The following CATSPER2 variants were observed in gnomAD, a reference collection of about 807,000 sequenced individuals.
CATSPER2 encodes the protein cation channel sperm associated 2.
In CATSPER2, 56 loss-of-function variants were observed where a neutral mutation model predicts 68.8. The observed-to-expected ratio is 0.81, with a 90% confidence interval of 0.66 to 1.02. CATSPER2 has a LOEUF of 1.02. Ranked by LOEUF, CATSPER2 falls within the 50% of genes least tolerant of loss-of-function variation. The probability of loss-of-function intolerance (pLI) is 0.00; values close to 1 mark genes in which losing one functional copy is unlikely to be tolerated. For missense variants in CATSPER2, 582 were observed against 642.0 expected, an observed-to-expected ratio of 0.91 and a Z score of 1.01; for synonymous variants, 198 against 229.9, an observed-to-expected ratio of 0.86 and a Z score of 1.26.
chr15:43,638,533 C>T (rs1255766313), intron 7 of CATSPER2, among the ~76,000 whole-genome samples: 8 of 151,636 alleles, frequency 5.3e-5, no homozygotes, highest in Admixed American at 1.3e-4. Flanking sequence ...ATGATCCACC[C>T]GCCTTGGCCT....
chr15:43,632,375 A>AC lies in CATSPER2; in HGVS notation c.1397-13_1397-12insG. On this transcript the variant is annotated splice_polypyrimidine_tract_variant and intron_variant, in intron 11 of 12. Transcript: ENST00000396879. ...CCAGTCCAAACGACCTGCAGGGAGGAATGCTTCAGAAAAGCACGTCTAGAT... is the reference window on the plus strand; with the variant it reads ...CCAGTCCAAACGACCTGCAGGGAGGACATGCTTCAGAAAAGCACGTCTAGAT... The AC allele has an allele frequency of 5.6e-6, 9 of 1,613,184 alleles. No individual in the cohort carries two copies. The highest frequency in any genetic ancestry group is 7.6e-6 in the Non-Finnish European group (9 of 1,179,690).
In CATSPER2 at chr15:43,630,571, C is replaced by A; in HGVS notation, c.*130G>T. ...AGGGTTTCACCACGCCTGGCCTAGA[C>A]ACTTATACTTTTTAATTTTAATGAA... On this transcript the variant is annotated 3_prime_UTR_variant, in exon 13 of 13. Transcript: ENST00000396879. The A allele has an allele frequency of 6.3e-7, 1 of 1,586,500 alleles. No individual in the cohort carries two copies.
Position 43,632,787 on chromosome 15 carries a change from A to G in CATSPER2, c.1326T>C (p.Ser442=). The G allele has an allele frequency of 6.2e-7, 1 of 1,613,746 alleles. No homozygotes were observed. Among genetic ancestry groups the G allele is most frequent in the Non-Finnish European group, 8.5e-7 (1 of 1,179,826 alleles). Residue 442 remains serine, a synonymous_variant, in exon 11 of 13, where the codon TCT becomes TCC. Transcript: ENST00000396879. ...ETLSKKREYQ[S]SSCVSSTSSS... is the part of the protein sequence containing the mutation. ...AGGATGTGGAGGAGACACAGGAGGA[A>G]GACTGGTACTCTCTCTTTTTTGACA...
chr15:43,645,814 T>G (rs192263343), intron 4 of CATSPER2, among the ~76,000 whole-genome samples: 114 of 151,936 alleles, frequency 7.5e-4, no homozygotes, highest in African/African-American at 2.6e-3. Context: ...GTGGGAGACT[T>G]CCCCACAACA....
Position 43,640,061 on chromosome 15 carries a change from C to T in CATSPER2, c.561+263G>A, listed in dbSNP as rs143080532. On this transcript the variant is annotated intron_variant, in intron 5 of 12. Transcript: ENST00000396879. ...CATAAATGAGATAATGTAAGGAAAACACTTAAAATAATGCTTGGCACTTAG... is the reference window on the plus strand; with the variant it reads ...CATAAATGAGATAATGTAAGGAAAATACTTAAAATAATGCTTGGCACTTAG... The T allele has an allele frequency of 1.1e-4, 160 of 1,439,922 alleles. 3 individuals carry two copies. In the African/African-American group the frequency reaches 2.0e-3, roughly 18 times the overall value. 89.2% of individuals were successfully genotyped at this position (1,439,922 alleles called of 1,614,324 possible).
At chr15:43,643,586 C>T (rs373126958) in intron 4 of CATSPER2, among the ~76,000 whole-genome samples, 2 of 151,898 alleles carry the variant, frequency 1.3e-5, no homozygotes, top group East Asian at 3.9e-4. Context: ...ATCCGCAGGA[C>T]TAGGCCTCCC....
chr15:43,645,918 T>C (rs1567133236), intron 4 of CATSPER2, among the ~76,000 whole-genome samples: 1 of 152,072 alleles, frequency 6.6e-6, no homozygotes, highest in Non-Finnish European at 1.5e-5. Context: ...GACATACTTA[T>C]GTTTTGAATG....
Position 43,648,703 on chromosome 15 carries a change from G to C in CATSPER2, c.-77C>G. The C allele has an allele frequency of 2.0e-6, 3 of 1,473,496 alleles. No individual in the cohort carries two copies. The highest frequency in any genetic ancestry group is 9.0e-7 in the Non-Finnish European group (1 of 1,116,558). 91.3% of individuals were successfully genotyped at this position (1,473,496 alleles called of 1,614,324 possible). On this transcript the variant is annotated 5_prime_UTR_variant, in exon 1 of 13. Coordinates refer to ENST00000396879, the MANE Select transcript of CATSPER2 (RefSeq NM_172095.4). ...CTCCAGCTCAGGTGCCCCGAGCCTG[G>C]CTACCCCTATGCAAGACGAGCTCAG...
At chr15:43,648,263 TAA>T (rs1247192046) in intron 1 of CATSPER2, among the ~76,000 whole-genome samples, 200 bp from the exon 2 acceptor site, 1 of 151,874 alleles carries the variant, frequency 6.6e-6, no homozygotes, top group Non-Finnish European at 1.5e-5. Flanking sequence ...GGCTAAGTGG[TAA>T]AGACATTGCA....
chr15:43,639,889 C>G, intron 5 of CATSPER2, 91 bp from the exon 6 acceptor site: 2 of 1,604,418 alleles, frequency 1.2e-6, no homozygotes, highest in East Asian at 4.5e-5. Context: ...TCATTGTTCC[C>G]TGGGCGTTAT....
chr15:43,648,864 GC>G (rs34927967), upstream of CATSPER2: 1 of 1,514,106 alleles, frequency 6.6e-7, no homozygotes, highest in South Asian at 1.2e-5. Flanking sequence ...GCCACTCGCC[GC>G]CTAGGCCCCG....
chr15:43,635,766 T>G lies in CATSPER2; in HGVS notation c.1082A>C (p.Gln361Pro). 4.3e-6 allele frequency: 7 copies of G among 1,613,616 alleles called. No individual in the cohort carries two copies. Among genetic ancestry groups the G allele is most frequent in the Non-Finnish European group, 5.9e-6 (7 of 1,179,792 alleles). ...CCGCTTGAACATGTCAGCTTTGAGC[T>G]GAACCTCCCGACGCGCCATCTCCTC... ...LNEEMARREV[Q>P]LKADMFKRQI... Residue 361 changes from glutamine (Q) to proline (P), a missense_variant, in exon 9 of 13, where the codon CAG (glutamine) becomes CCG (proline). Transcript: ENST00000396879.
At chr15:43,647,005 G>A in intron 4 of CATSPER2, 45 bp downstream of exon 4, 6 of 1,524,690 alleles carry the variant, frequency 3.9e-6, no homozygotes, top group Middle Eastern at 3.4e-4. Flanking sequence ...GTGTGAGCCG[G>A]CGTGCCCGGC....
chr15:43,637,021 C>G (rs1353370143), intron 7 of CATSPER2, among the ~76,000 whole-genome samples: 1 of 149,438 alleles, frequency 6.7e-6, no homozygotes, highest in African/African-American at 2.5e-5. Context: ...CAAGGTTTCA[C>G]CATGTTGGCC....
chr15:43,648,202 T>C (rs1448077483), intron 1 of CATSPER2, 139 bp from the exon 2 acceptor site: 15 of 1,033,224 alleles, frequency 1.5e-5, no homozygotes, highest in African/African-American at 3.2e-5. Context: ...CTAGGAGCAG[T>C]TGGGAAGAAC....
chr15:43,640,649 G>A (rs914378053), intron 4 of CATSPER2, among the ~76,000 whole-genome samples, 153 bp from the exon 5 acceptor site: 28 of 150,258 alleles, frequency 1.9e-4, no homozygotes, highest in African/African-American at 6.3e-4. Flanking sequence ...TCTTAACACT[G>A]TTGCTTCAAC....
Position 43,638,383 on chromosome 15 carries a change from G to A in CATSPER2, c.842+521C>T, listed in dbSNP as rs1175835729. 4.4e-5 allele frequency among the ~76,000 whole-genome samples: 6 copies of A among 136,198 alleles called. 1 individual carries two copies. Among genetic ancestry groups the A allele is most frequent in the Non-Finnish European group, 9.2e-5 (6 of 65,434 alleles). 89.4% of individuals were successfully genotyped at this position (136,198 alleles called of 152,430 possible). A position where few individuals can be genotyped will look rare whatever the true frequency, so the allele number is the denominator to read the frequency against. On this transcript the variant is annotated intron_variant, in intron 7 of 12. Coordinates refer to ENST00000396879, the MANE Select transcript of CATSPER2 (RefSeq NM_172095.4). ...GGCTCACTGCAATCTCTGCCTCCCA[G>A]ATTCAAGCAATTCTCCTGCCTCAGA...
chr15:43,630,482 G>T lies in CATSPER2; in HGVS notation c.*219C>A, dbSNP rs2141541808. On this transcript the variant is annotated 3_prime_UTR_variant, in exon 13 of 13. Transcript: ENST00000396879. The stretch of plus-strand genomic sequence containing the variant: ...TGATTCTCCTGCCTCAGGCTCCCAA[G>T]TAGCTATGATTACAAGCATCTGCCA... 1.0e-6 allele frequency: 1 copy of T among 967,236 alleles called. No individual in the cohort carries two copies. Among genetic ancestry groups the T allele is most frequent in the East Asian group, 3.1e-5 (1 of 32,318 alleles). 59.9% of individuals were successfully genotyped at this position (967,236 alleles called of 1,614,324 possible). A position where few individuals can be genotyped will look rare whatever the true frequency, so the allele number is the denominator to read the frequency against.
At chr15:43,635,077 T>C (rs1382569536) in intron 10 of CATSPER2, 9 of 483,612 alleles carry the variant, frequency 1.9e-5, no homozygotes, top group South Asian at 1.8e-4. Context: ...TCATCTTTTA[T>C]AAGGACCCTT....
Sources: gnomAD v4.1 joint callset for allele counts (sites outside exome capture counted in the v4.1 genomes callset) on GRCh38, gnomAD v4.1.1 for gene constraint, MANE v1.5 for transcripts, NCBI Gene and HGNC (gene_info 2026-07-23, HGNC 2026-07-21) for gene names.